The following CAMTA1 variants were observed in gnomAD, a reference collection of about 807,000 sequenced individuals.
CAMTA1 encodes the protein calmodulin binding transcription activator 1, also known as calmodulin-binding transcription activator 1.
CAMTA1 carries 27 observed loss-of-function variants against 170.9 expected under a neutral mutation model. That is an observed-to-expected ratio of 0.16 (90% confidence interval 0.12 to 0.22). The LOEUF (loss-of-function observed/expected upper bound fraction) is 0.22. Ranked by LOEUF, CAMTA1 falls within the 10% of genes least tolerant of loss-of-function variation. The probability of loss-of-function intolerance (pLI) is 1.00; values close to 1 mark genes in which losing one functional copy is unlikely to be tolerated. For synonymous variants in CAMTA1, 833 were observed against 891.5 expected (o/e 0.93, Z 1.17); for missense variants, 1,619 against 2,217.2 (o/e 0.73, Z 5.42).
At position 7,011,322 on chromosome 1, in the gene CAMTA1, A is replaced by G. The variant is rs528679833; in HGVS notation, c.235-79982A>G. On this transcript the variant is annotated intron_variant, in intron 3 of 22. Transcript: ENST00000303635. ...TGGGTTCAAATGATGCTGGGATTAC[A>G]TGCATGAGCTACTGTGCCCTGCCTG... 3.9e-5 allele frequency among the ~76,000 whole-genome samples: 6 copies of G among 152,250 alleles called. No individual in the cohort carries two copies. In the South Asian group the frequency reaches 1.0e-3, roughly 26 times the overall value.
intron 3 of CAMTA1, among the ~76,000 whole-genome samples, chr1:6,884,326 AC>A (rs1557761988): frequency 5.2e-4 from 78 of 149,530 alleles, no homozygotes; most frequent in African/African-American, 1.6e-3. Flanking sequence ...ACACACACAC[AC>A]ACACACACAA....
At chr1:7,085,076 T>A (rs1640558518) in intron 3 of CAMTA1, among the ~76,000 whole-genome samples, 1 of 152,248 alleles carries the variant, frequency 6.6e-6, no homozygotes, top group Admixed American at 6.5e-5. Context: ...GGTGGCTTGC[T>A]GCACCCATCA....
At chr1:7,398,192 T>C (rs2089555583) in intron 5 of CAMTA1, among the ~76,000 whole-genome samples, 1 of 32,016 alleles carries the variant, frequency 3.1e-5, no homozygotes, top group Non-Finnish European at 5.2e-5. Flanking sequence ...TCTCTCTCTC[T>C]CTATATATAT....
intron 3 of CAMTA1, among the ~76,000 whole-genome samples, chr1:7,081,856 A>G (rs537330893): frequency 1.3e-3 from 196 of 152,352 alleles, no homozygotes; most frequent in Middle Eastern, 3.4e-3. Context: ...GATAAGCCAA[A>G]TGGGAAGAAG....
chr1:7,035,923 G>A (rs1022210616), intron 3 of CAMTA1, among the ~76,000 whole-genome samples: 5 of 152,162 alleles, frequency 3.3e-5, no homozygotes, highest in African/African-American at 1.2e-4. Flanking sequence ...AAGGCTGTGT[G>A]TATATATGTA....
At chr1:7,080,127 A>G (rs1281455384) in intron 3 of CAMTA1, among the ~76,000 whole-genome samples, 1 of 152,252 alleles carries the variant, frequency 6.6e-6, no homozygotes, top group African/African-American at 2.4e-5. Context: ...ATATGGGATA[A>G]CACAATTGTA....
chr1:6,869,936 A>G (rs1458844425), intron 3 of CAMTA1, among the ~76,000 whole-genome samples: 1 of 152,146 alleles, frequency 6.6e-6, no homozygotes, highest in Non-Finnish European at 1.5e-5. Flanking sequence ...AATTTTCAAG[A>G]TGATTTAGAA....
In CAMTA1 at chr1:7,665,737, G is replaced by T. The variant is rs897480276; in HGVS notation, c.2652+538G>T. 3.3e-5 allele frequency among the ~76,000 whole-genome samples: 5 copies of T among 151,904 alleles called. No individual in the cohort carries two copies. The highest frequency in any genetic ancestry group is 2.0e-4 in the Admixed American group (3 of 15,242). ...CTCAAAAAAAAAGAGAGAAAGTCAG[G>T]GTATCCTTGGAAGCAAAATGCTCCC... On this transcript the variant is annotated intron_variant, in intron 9 of 22. Coordinates refer to ENST00000303635, the MANE Select transcript of CAMTA1 (RefSeq NM_015215.4). This position sits in a 1 kb window ranked among gnomAD's most constrained non-coding sequence, Gnocchi z 4.3.
intron 5 of CAMTA1, among the ~76,000 whole-genome samples, chr1:7,437,918 GAAGCCAGAGGACAAACAGGTC>G (rs2092398467): frequency 6.6e-6 from 1 of 152,282 alleles, no homozygotes; most frequent in Non-Finnish European, 1.5e-5. Context: ...TTTCTGGGAA[GAAGCCAGAGGACAAACAGGTC>G]AACAAATATA....
intron 3 of CAMTA1, among the ~76,000 whole-genome samples, chr1:6,899,554 G>GCACACACACACACACACACA (rs70984034): frequency 2.1e-5 from 3 of 141,178 alleles, no homozygotes; most frequent in South Asian, 2.2e-4. Context: ...ACGCGCGCGC[G>GCACACACACACACACACACA]CACACACACA....
At chr1:7,166,531 T>C (rs912604193) in intron 4 of CAMTA1, among the ~76,000 whole-genome samples, 2 of 152,194 alleles carry the variant, frequency 1.3e-5, no homozygotes, top group Non-Finnish European at 2.9e-5. Flanking sequence ...TCACAGACTT[T>C]GTCTTCATTT....
chr1:7,660,172 G>A (rs1413745218), intron 7 of CAMTA1, among the ~76,000 whole-genome samples: 1 of 152,174 alleles, frequency 6.6e-6, no homozygotes, highest in Non-Finnish European at 1.5e-5. Context: ...CCTCCCAGAC[G>A]ATTCTTTTGC....
rs115861641 is a variant in CAMTA1 at position 7,293,235 on chromosome 1, T to C, written c.438+43609T>C. Among the ~76,000 whole-genome samples the C allele has an allele frequency of 4.1e-3, 618 of 152,236 alleles. 1 individual carries two copies. Among genetic ancestry groups the C allele is most frequent in the Non-Finnish European group, 6.2e-3 (424 of 68,012 alleles). On this transcript the variant is annotated intron_variant, in intron 5 of 22. Coordinates refer to ENST00000303635, the MANE Select transcript of CAMTA1 (RefSeq NM_015215.4). This position sits in a 1 kb window ranked among gnomAD's most constrained non-coding sequence, Gnocchi z 4.1. ...GGCTGGGGAGCAAATGCAGACCTTG[T>C]CTGGGTGATGAGAGACCGCCACTCG... is the stretch of plus-strand genomic sequence containing the variant.
intron 7 of CAMTA1, among the ~76,000 whole-genome samples, chr1:7,655,403 C>T (rs1265111194): frequency 2.2e-5 from 2 of 92,536 alleles, no homozygotes; most frequent in Admixed American, 1.4e-4. Flanking sequence ...CACAAATACA[C>T]CCACCTATAC....
intron 3 of CAMTA1, among the ~76,000 whole-genome samples, chr1:7,042,057 G>C (rs1427109253): frequency 1.3e-5 from 2 of 151,406 alleles, no homozygotes; most frequent in East Asian, 3.9e-4. Flanking sequence ...TTGGGGATAG[G>C]GTGATAGAGG....
chr1:7,582,649 C>A (rs906181368), intron 6 of CAMTA1, among the ~76,000 whole-genome samples: 2 of 152,254 alleles, frequency 1.3e-5, no homozygotes, highest in South Asian at 2.1e-4. Context: ...CTCCAGCCAT[C>A]GTGTCTTCAT....
intron 4 of CAMTA1, among the ~76,000 whole-genome samples, chr1:7,228,359 T>C (rs921528331): frequency 4.6e-5 from 7 of 152,052 alleles, no homozygotes; most frequent in African/African-American, 1.7e-4. Flanking sequence ...TCCCAGCACT[T>C]TGGGGGGCCG....
intron 3 of CAMTA1, among the ~76,000 whole-genome samples, chr1:6,981,684 C>T (rs746423683): frequency 7.2e-5 from 11 of 152,206 alleles, no homozygotes; most frequent in Admixed American, 1.3e-4. Flanking sequence ...GATCCTCCTA[C>T]CTCAGCTTCC....
intron 6 of CAMTA1, among the ~76,000 whole-genome samples, chr1:7,477,810 C>A (rs2093446132): frequency 6.6e-6 from 1 of 152,186 alleles, no homozygotes; most frequent in African/African-American, 2.4e-5. Flanking sequence ...TGCTATGTGG[C>A]CAGAGCCCTC....
Sources: allele counts gnomAD v4.1 joint callset (sites outside exome capture counted in the v4.1 genomes callset), GRCh38; gene constraint gnomAD v4.1.1; non-coding constraint Gnocchi (gnomAD v3.1); transcripts MANE v1.5; gene names NCBI Gene and HGNC (gene_info 2026-07-23, HGNC 2026-07-21).